DHRSX: variants seen among roughly 807,000 people sequenced by gnomAD.
The protein encoded by DHRSX is polyprenol dehydrogenase.
Under a neutral mutation model 34.0 loss-of-function variants are expected in DHRSX, and 31 were observed. That is an observed-to-expected ratio of 0.91 (90% CI 0.69 to 1.23). The LOEUF (loss-of-function observed/expected upper bound fraction) is 1.23, where lower values mean the gene tolerates loss of function less well. Ranked by LOEUF, DHRSX falls within the 50% of genes most tolerant of loss-of-function variation. The pLI, the probability that DHRSX is intolerant of heterozygous loss-of-function variation, is 0.00. For synonymous variants in DHRSX, 201 were observed against 183.8 expected (o/e 1.09, Z -0.76); for missense variants, 414 against 428.1 (o/e 0.97, Z 0.29).
intron 4 of DHRSX, among the ~76,000 whole-genome samples, chrX:2,285,593 G>A (rs989105589): frequency 7.9e-5 from 12 of 152,072 alleles, no homozygotes; most frequent in South Asian, 6.2e-4. Flanking sequence ...CTGTGCGGCC[G>A]GTGTCCTAAC....
chrX:2,220,775 G>A lies in DHRSX; in HGVS notation c.*266C>T. ...AAATGGCACATTTATGTTGGAAAAT[G>A]TAATTATTTATGGCACCTGTGACAA... On this transcript the variant is annotated 3_prime_UTR_variant, in exon 7 of 7. Transcript: ENST00000334651. 1 of 460,168 alleles carries A rather than the reference G, an allele frequency of 2.2e-6. No homozygotes were observed. Among genetic ancestry groups the A allele is most frequent in the South Asian group, 6.3e-5 (1 of 15,996 alleles). 28.5% of individuals were successfully genotyped at this position (460,168 alleles called of 1,614,324 possible). A position where few individuals can be genotyped will look rare whatever the true frequency, so the allele number is the denominator to read the frequency against.
chrX:2,364,358 TAC>T (rs1370262635), intron 3 of DHRSX, among the ~76,000 whole-genome samples: 8 of 152,174 alleles, frequency 5.3e-5, no homozygotes, highest in African/African-American at 1.7e-4. Context: ...CTCAACACGC[TAC>T]AGTCCACAGC....
intron 1 of DHRSX, chrX:2,490,793 C>A: frequency 1.3e-6 from 2 of 1,553,494 alleles, no homozygotes; most frequent in Non-Finnish European, 1.7e-6. Flanking sequence ...CCAAGACAAA[C>A]ACAGCATGAG....
intron 3 of DHRSX, among the ~76,000 whole-genome samples, chrX:2,340,155 C>T (rs1450187078): frequency 1.4e-5 from 2 of 142,224 alleles, no homozygotes; most frequent in East Asian, 2.1e-4. Flanking sequence ...CACATGGACA[C>T]GGGGAGGGGA....
chrX:2,257,839 C>T (rs2041300283), intron 5 of DHRSX, among the ~76,000 whole-genome samples: 1 of 152,054 alleles, frequency 6.6e-6, no homozygotes, highest in Non-Finnish European at 1.5e-5. Flanking sequence ...GTTGTCCAGG[C>T]TGGTCTTGAA....
At chrX:2,273,588 G>A (rs1402267115) in intron 4 of DHRSX, among the ~76,000 whole-genome samples, 1 of 152,176 alleles carries the variant, frequency 6.6e-6, no homozygotes, top group African/African-American at 2.4e-5. Flanking sequence ...CCCAGGAAAT[G>A]GCCACTGTAC....
chrX:2,382,684 CCATCATCACCATCATCACCATCACCAT>C (rs2043220814), intron 3 of DHRSX, among the ~76,000 whole-genome samples: 1 of 53,148 alleles, frequency 1.9e-5, no homozygotes, highest in Non-Finnish European at 4.2e-5. Flanking sequence ...ATCACCATCA[CCATCATCACCATCATCACCATCACCAT>C]CATCACCACC....
intron 3 of DHRSX, among the ~76,000 whole-genome samples, chrX:2,377,625 C>T (rs2043156844): frequency 2.0e-5 from 3 of 152,068 alleles, no homozygotes; most frequent in Admixed American, 6.6e-5. Flanking sequence ...TGCTAGCTAG[C>T]GAAGGAAGCC....
intron 5 of DHRSX, among the ~76,000 whole-genome samples, chrX:2,246,954 G>C (rs1428311934): frequency 1.3e-5 from 2 of 152,010 alleles, no homozygotes; most frequent in African/African-American, 4.8e-5. Flanking sequence ...GTTGGTTTTT[G>C]TTGTTGTTGT....
At chrX:2,224,171 G>A (rs1002451916) in intron 6 of DHRSX, among the ~76,000 whole-genome samples, 3 of 152,224 alleles carry the variant, frequency 2.0e-5, no homozygotes, top group Non-Finnish European at 2.9e-5. Flanking sequence ...AGGGGCTCAT[G>A]CCCCAAATAC....
chrX:2,268,413 C>T (rs774139928), intron 4 of DHRSX, among the ~76,000 whole-genome samples: 52 of 152,310 alleles, frequency 3.4e-4, no homozygotes, highest in African/African-American at 1.2e-3. Context: ...CTACACGTAA[C>T]GCAAATACAG....
intron 3 of DHRSX, among the ~76,000 whole-genome samples, chrX:2,314,568 C>G (rs1452814245): frequency 6.8e-6 from 1 of 147,568 alleles, no homozygotes; most frequent in Non-Finnish European, 1.5e-5. Flanking sequence ...AGAGACTTCT[C>G]AGGGCAATTT....
intron 4 of DHRSX, 28 bp downstream of exon 4, chrX:2,291,474 G>T: frequency 6.4e-7 from 1 of 1,566,876 alleles, no homozygotes; most frequent in Non-Finnish European, 8.8e-7. Flanking sequence ...ATTAACCCCT[G>T]GCTTGCTGCA....
chrX:2,310,559 TGTGAGAGAGAGA>T (rs1452201014), intron 3 of DHRSX, among the ~76,000 whole-genome samples: 1,947 of 150,464 alleles, frequency 0.013, 40 homozygotes, highest in African/African-American at 0.041. Flanking sequence ...TGTGTGTGTG[TGTGAGAGAGAGA>T]GAGAGAGGGA....
chrX:2,435,253 G>T (rs1216034240), intron 1 of DHRSX, among the ~76,000 whole-genome samples: 1 of 152,072 alleles, frequency 6.6e-6, no homozygotes, highest in African/African-American at 2.4e-5. Flanking sequence ...CTATGAAATT[G>T]CACAGAACTC....
chrX:2,304,481 G>T (rs1161738585), intron 3 of DHRSX, among the ~76,000 whole-genome samples: 4 of 152,146 alleles, frequency 2.6e-5, no homozygotes, highest in Non-Finnish European at 5.9e-5. Flanking sequence ...GGGGGAGATT[G>T]GGTCACGGGG....
At chrX:2,224,764 A>C (rs2015601913) in intron 6 of DHRSX, among the ~76,000 whole-genome samples, 1 of 152,066 alleles carries the variant, frequency 6.6e-6, no homozygotes, top group African/African-American at 2.4e-5. Context: ...TTGCACATGC[A>C]TACTCACACT....
chrX:2,266,500 T>A (rs962254269), intron 5 of DHRSX, among the ~76,000 whole-genome samples: 3 of 146,732 alleles, frequency 2.0e-5, no homozygotes, highest in Non-Finnish European at 4.5e-5. Context: ...CAGGGAGCAC[T>A]GTCCCCAGAG....
chrX:2,251,621 C>G (rs2016436017), intron 5 of DHRSX, among the ~76,000 whole-genome samples: 1 of 152,168 alleles, frequency 6.6e-6, no homozygotes, highest in Non-Finnish European at 1.5e-5. Flanking sequence ...TCGCTGTACT[C>G]TCCTGGCAAA....
Sources: allele counts gnomAD v4.1 joint callset (sites outside exome capture counted in the v4.1 genomes callset), GRCh38; gene constraint gnomAD v4.1.1; transcripts MANE v1.5; gene names NCBI Gene and HGNC (gene_info 2026-07-23, HGNC 2026-07-21).